C3orf52: variants seen among roughly 807,000 people sequenced by gnomAD.
C3orf52 encodes the protein TPA-induced transmembrane protein.
A neutral mutation model predicts 24.8 loss-of-function variants in C3orf52; 22 were observed. The ratio of observed to expected loss-of-function variants is 0.89; its 90% CI spans 0.63 to 1.27. C3orf52 has a LOEUF of 1.27. Ranked by LOEUF, C3orf52 falls within the 50% of genes most tolerant of loss-of-function variation. The probability of loss-of-function intolerance (pLI) is 0.00; values close to 1 mark genes in which losing one functional copy is unlikely to be tolerated. For synonymous variants in C3orf52, 93 were observed against 100.2 expected (o/e 0.93, Z 0.43); for missense variants, 265 against 260.7 (o/e 1.02, Z -0.11).
At chr3:112,098,442 C>T (rs941967855) in intron 2 of C3orf52, among the ~76,000 whole-genome samples, 2 of 152,164 alleles carry the variant, frequency 1.3e-5, no homozygotes, top group African/African-American at 4.8e-5. Context: ...AGCTCATTCA[C>T]TCCCAGGACA....
At chr3:112,134,341 CACTTA>C (rs1418610146), downstream of C3orf52, 1 of 152,220 alleles carries the variant, frequency 6.6e-6, no homozygotes, top group Admixed American at 6.5e-5. Context: ...AGTGGGTTAA[CACTTA>C]GCTGTCCACG....
rs779867317 is a variant in C3orf52, at chr3:112,109,620, G to A, written c.467+7G>A. 2 of 1,558,462 alleles carry A rather than the reference G, an allele frequency of 1.3e-6. No homozygotes were observed. Among genetic ancestry groups the A allele is most frequent in the Non-Finnish European group, 1.8e-6 (2 of 1,130,834 alleles). On this transcript the variant is annotated splice_region_variant and intron_variant, in intron 4 of 5. Coordinates refer to ENST00000264848, the MANE Select transcript of C3orf52 (RefSeq NM_024616.3). The stretch of plus-strand genomic sequence containing the variant: ...TTGAAATAGTGGACTTCAGGTAAGA[G>A]TGTGGAACATTACATTTTGCTCTCT...
chr3:112,095,341 C>T (rs1168158902), intron 2 of C3orf52, among the ~76,000 whole-genome samples: 1 of 152,178 alleles, frequency 6.6e-6, no homozygotes, highest in African/African-American at 2.4e-5. Flanking sequence ...CTTGTCCTGA[C>T]ATAACTAGTT....
At chr3:112,135,274 G>T (rs1559991409), downstream of C3orf52, 1 of 152,122 alleles carries the variant, frequency 6.6e-6, no homozygotes, top group Non-Finnish European at 1.5e-5. Context: ...CTATGTGCTG[G>T]GCACTGTAGG....
At chr3:112,112,884 A>T (rs1413520410) in intron 4 of C3orf52, 80 bp from the exon 5 acceptor site, 1 of 1,251,710 alleles carries the variant, frequency 8.0e-7, no homozygotes, top group Non-Finnish European at 1.2e-6. Context: ...ACTAAAAAAA[A>T]AAAAAGTTAT....
chr3:112,100,594 T>G (rs1054253286), intron 2 of C3orf52, among the ~76,000 whole-genome samples: 4 of 152,244 alleles, frequency 2.6e-5, no homozygotes, highest in African/African-American at 9.7e-5. Context: ...TCCTTGAGTT[T>G]AGCAGTTATT....
chr3:112,113,762 A>G (rs2074108998), intron 5 of C3orf52, among the ~76,000 whole-genome samples: 1 of 152,224 alleles, frequency 6.6e-6, no homozygotes, highest in Admixed American at 6.5e-5. Flanking sequence ...CAAACACCCC[A>G]TTTATCAGAA....
At position 112,102,931 on chromosome 3, in the gene C3orf52, C is replaced by CT; in HGVS notation, c.363dup (p.Glu122Ter). 6.2e-7 allele frequency: 1 copy of CT among 1,612,176 alleles called. No homozygotes were observed. The highest frequency in any genetic ancestry group is 8.5e-7 in the Non-Finnish European group (1 of 1,179,206). ...CTGAAGATTCCAGAGGAGTGTGTTG[C>CT]TGAAGAGGAATTGCCTCACCTGCTC... On this transcript the variant is annotated frameshift_variant, in exon 3 of 6. Coordinates refer to ENST00000264848, the MANE Select transcript of C3orf52 (RefSeq NM_024616.3). LOFTEE classifies it high-confidence loss of function.
intron 3 of C3orf52, among the ~76,000 whole-genome samples, chr3:112,103,954 T>C (rs2074001723): frequency 1.3e-5 from 2 of 152,170 alleles, no homozygotes; most frequent in African/African-American, 4.8e-5. Context: ...AGATTTTTCC[T>C]TTTAGCCTTT....
At chr3:112,100,061 A>AT (rs999953035) in intron 2 of C3orf52, among the ~76,000 whole-genome samples, 12 of 151,990 alleles carry the variant, frequency 7.9e-5, no homozygotes, top group African/African-American at 2.9e-4. Context: ...TTTCTCATTA[A>AT]TTTTTTCTTT....
chr3:112,119,198 C>T (rs1261379370), downstream of C3orf52, among the ~76,000 whole-genome samples: 2 of 152,252 alleles, frequency 1.3e-5, no homozygotes, highest in Admixed American at 6.5e-5. Flanking sequence ...GCCTGACAAA[C>T]ATGGTGAAAC....
intron 3 of C3orf52, among the ~76,000 whole-genome samples, chr3:112,104,485 T>A (rs1466253949): frequency 6.6e-6 from 1 of 152,186 alleles, no homozygotes; most frequent in Non-Finnish European, 1.5e-5. Context: ...CCAGGTCACA[T>A]CAGAATCAGT....
At position 112,114,718 on chromosome 3, in the gene C3orf52, A is replaced by C. The variant is rs549935514; in HGVS notation, c.649+1573A>C. Among the ~76,000 whole-genome samples, 21 of 152,100 alleles carry C rather than the reference A, an allele frequency of 1.4e-4. 1 individual carries two copies. In the East Asian group the frequency reaches 3.3e-3, roughly 24 times the overall value. On this transcript the variant is annotated intron_variant, in intron 5 of 5. Transcript: ENST00000264848. ...AAACTCCATTTCAAAAGAAAAAAAA[A>C]CCCAGAAACCTTCAGCCTCCTCCCA...
intron 4 of C3orf52, chr3:112,123,531 T>C: frequency 2.5e-6 from 4 of 1,614,168 alleles, no homozygotes; most frequent in Non-Finnish European, 3.4e-6. Flanking sequence ...GGAGATTCTG[T>C]GAGGCATGAG....
In C3orf52 at chr3:112,091,705, A is replaced by G. The variant is rs187741878; in HGVS notation, c.139-1655A>G. On this transcript the variant is annotated intron_variant, in intron 1 of 5. Transcript: ENST00000264848. Reference sequence around the variant, plus strand: ...TTCGTTTTCTGATGGCCAGCACCAAAATAAGAATGGCAGAGAAGGCCAGTC... The same window carrying G: ...TTCGTTTTCTGATGGCCAGCACCAAGATAAGAATGGCAGAGAAGGCCAGTC... Among the ~76,000 whole-genome samples, 33 of 150,814 alleles carry G rather than the reference A, an allele frequency of 2.2e-4. No homozygotes were observed. In the East Asian group the frequency reaches 6.2e-3, roughly 28 times the overall value.
downstream of C3orf52, chr3:112,129,664 C>T (rs552587834): frequency 6.6e-6 from 1 of 152,204 alleles, no homozygotes; most frequent in African/African-American, 2.4e-5. Flanking sequence ...CCAATGATAC[C>T]CCTGAAAATA....
chr3:112,088,495 A>C (rs1282588566), intron 1 of C3orf52, among the ~76,000 whole-genome samples: 1 of 152,206 alleles, frequency 6.6e-6, no homozygotes. Flanking sequence ...CAACTAACTT[A>C]AGAGGAAGGC....
downstream of C3orf52, among the ~76,000 whole-genome samples, chr3:112,135,663 A>G (rs2074544182): frequency 6.6e-6 from 1 of 152,168 alleles, no homozygotes; most frequent in Non-Finnish European, 1.5e-5. Context: ...CACAAGACTC[A>G]CTAGCCCCTG....
downstream of C3orf52, among the ~76,000 whole-genome samples, chr3:112,120,466 G>A (rs749700107): frequency 1.1e-4 from 17 of 152,136 alleles, no homozygotes; most frequent in Admixed American, 2.6e-4. Flanking sequence ...TTTTAAATAA[G>A]AATTTATTCA....
Sources: allele counts gnomAD v4.1 joint callset (sites outside exome capture counted in the v4.1 genomes callset), GRCh38; gene constraint gnomAD v4.1.1; transcripts MANE v1.5; gene names NCBI Gene and HGNC (gene_info 2026-07-23, HGNC 2026-07-21).